The following LRMDA variants were observed in gnomAD, a reference collection of about 807,000 sequenced individuals.
The protein encoded by LRMDA is leucine-rich melanocyte differentiation-associated protein.
In LRMDA, 18 loss-of-function variants were observed where a neutral mutation model predicts 29.8. The observed-to-expected ratio is 0.60, with a 90% CI of 0.42 to 0.90. The LOEUF (loss-of-function observed/expected upper bound fraction) is 0.90. Ranked by LOEUF, LRMDA falls within the 40% of genes least tolerant of loss-of-function variation. The pLI is 0.00. For missense variants in LRMDA, 273 were observed against 273.9 expected (o/e 1.00, Z 0.02); for synonymous variants, 125 against 109.4 (o/e 1.14, Z -0.89).
At chr10:75,435,896 T>C (rs1428111782) in intron 1 of LRMDA, among the ~76,000 whole-genome samples, 1 of 152,134 alleles carries the variant, frequency 6.6e-6, no homozygotes, top group Non-Finnish European at 1.5e-5. Context: ...AACATGATGA[T>C]AGATGCACCA....
chr10:76,219,300 A>G (rs957829678), intron 5 of LRMDA, among the ~76,000 whole-genome samples: 3 of 151,132 alleles, frequency 2.0e-5, no homozygotes, highest in Middle Eastern at 3.4e-3. Flanking sequence ...AAATGCTCCA[A>G]TTAAAAGACA....
chr10:76,056,060 T>G (rs1240377417), intron 4 of LRMDA, among the ~76,000 whole-genome samples: 2 of 152,126 alleles, frequency 1.3e-5, no homozygotes, highest in Non-Finnish European at 2.9e-5. Context: ...AATTGGAGGG[T>G]GAGCAAGGCA....
intron 5 of LRMDA, among the ~76,000 whole-genome samples, chr10:76,166,828 C>T (rs988807520): frequency 2.0e-5 from 3 of 152,016 alleles, no homozygotes; most frequent in Admixed American, 6.6e-5. Context: ...CCTCCTAGGT[C>T]GAATGGTAGC....
intron 5 of LRMDA, among the ~76,000 whole-genome samples, chr10:76,245,837 A>C (rs1260758888): frequency 6.6e-6 from 1 of 152,226 alleles, no homozygotes; most frequent in African/African-American, 2.4e-5. Flanking sequence ...ATGGGGATAA[A>C]GACAACTATG....
rs951113511 is a variant in LRMDA, at chr10:75,678,473, G to C, written c.131+239979G>C. 8.5e-5 allele frequency among the ~76,000 whole-genome samples: 13 copies of C among 152,274 alleles called. No homozygotes were observed. The East Asian group carries it at 1.4e-3, about 16-fold the overall frequency. On this transcript the variant is annotated intron_variant, in intron 2 of 6. Coordinates refer to ENST00000611255, the MANE Select transcript of LRMDA (RefSeq NM_001305581.2). ...CTGAGATATTGAAGCTAATCCTGATGCTCTCATTTATAGTACTGGCGGGAT... is the reference window on the plus strand; with the variant it reads ...CTGAGATATTGAAGCTAATCCTGATCCTCTCATTTATAGTACTGGCGGGAT...
chr10:76,125,294 G>A (rs1431768279), intron 5 of LRMDA, among the ~76,000 whole-genome samples: 4 of 152,094 alleles, frequency 2.6e-5, no homozygotes, highest in South Asian at 2.1e-4. Context: ...GTCTTCTTGC[G>A]TTCGGCTGTG....
At chr10:76,036,175 C>T in intron 3 of LRMDA, 41 bp downstream of exon 3, 1 of 1,575,996 alleles carries the variant, frequency 6.3e-7, no homozygotes, top group Non-Finnish European at 8.6e-7. Context: ...CCCCACCCAG[C>T]CCCACAGTCG....
At chr10:76,034,770 C>T (rs1003938758) in intron 2 of LRMDA, among the ~76,000 whole-genome samples, 1 of 152,094 alleles carries the variant, frequency 6.6e-6, no homozygotes, top group African/African-American at 2.4e-5. Context: ...ATAGTGTGGA[C>T]GACATCTCCC....
At chr10:75,941,459 C>T (rs945307978) in intron 2 of LRMDA, among the ~76,000 whole-genome samples, 9 of 152,260 alleles carry the variant, frequency 5.9e-5, no homozygotes, top group South Asian at 2.1e-4. Flanking sequence ...ACTTTGCTTT[C>T]GGAGGCTTCT....
At chr10:75,642,799 C>G (rs560910311) in intron 2 of LRMDA, 12 of 152,314 alleles carry the variant, frequency 7.9e-5, no homozygotes, top group African/African-American at 2.9e-4. Flanking sequence ...GACCCAGGCT[C>G]TGGTTCTCAC....
intron 5 of LRMDA, among the ~76,000 whole-genome samples, chr10:76,283,593 T>C (rs559137257): frequency 3.9e-5 from 6 of 152,298 alleles, no homozygotes; most frequent in South Asian, 2.1e-4. Flanking sequence ...ATAACATCGA[T>C]TGAATGCTTA....
chr10:75,583,386 G>C (rs866444738), intron 2 of LRMDA, among the ~76,000 whole-genome samples: 8 of 152,154 alleles, frequency 5.3e-5, no homozygotes, highest in African/African-American at 1.9e-4. Flanking sequence ...TCCAATCATA[G>C]TGCAAGGCAA....
chr10:76,517,238 T>C (rs1263183056), intron 6 of LRMDA, among the ~76,000 whole-genome samples: 2 of 152,138 alleles, frequency 1.3e-5, no homozygotes, highest in African/African-American at 4.8e-5. Context: ...CATGAAAATA[T>C]ATACGATACA....
chr10:75,960,065 C>T (rs1455051695), intron 2 of LRMDA, among the ~76,000 whole-genome samples: 3 of 152,116 alleles, frequency 2.0e-5, no homozygotes, highest in Admixed American at 6.6e-5. Context: ...TCCTAAATGC[C>T]CCCCTCCTGG....
intron 5 of LRMDA, among the ~76,000 whole-genome samples, chr10:76,128,129 C>T (rs1849918639): frequency 6.6e-6 from 1 of 152,148 alleles, no homozygotes; most frequent in Non-Finnish European, 1.5e-5. Context: ...GCCTGGATTC[C>T]ATTTTTCTTT....
At chr10:76,420,642 T>G (rs1249189126) in intron 6 of LRMDA, among the ~76,000 whole-genome samples, 1 of 152,092 alleles carries the variant, frequency 6.6e-6, no homozygotes, top group Non-Finnish European at 1.5e-5. Context: ...GCTTTCTTCT[T>G]TTCTAATATA....
rs553025158 is a variant in LRMDA at position 75,770,535 on chromosome 10, T to C, written c.132-265473T>C. 2.6e-5 allele frequency among the ~76,000 whole-genome samples: 4 copies of C among 152,346 alleles called. No individual in the cohort carries two copies. In the South Asian group the frequency reaches 6.2e-4, roughly 24 times the overall value. On this transcript the variant is annotated intron_variant, in intron 2 of 6. Transcript: ENST00000611255. ...AAGCCTTCTTCCCTATAGCAGTTCT[T>C]TTCCCAGAGGCCACCATCACTAACA...
At chr10:75,468,288 G>A (rs900556976) in intron 2 of LRMDA, among the ~76,000 whole-genome samples, 11 of 152,072 alleles carry the variant, frequency 7.2e-5, no homozygotes, top group African/African-American at 2.7e-4. Flanking sequence ...TTTGGGGTGC[G>A]GGGCGGGGTT....
At chr10:76,086,234 T>C (rs1425679554) in intron 5 of LRMDA, among the ~76,000 whole-genome samples, 2 of 152,152 alleles carry the variant, frequency 1.3e-5, no homozygotes, top group Non-Finnish European at 2.9e-5. Context: ...TCCCAACTTT[T>C]GGGAAAGAGT....
Sources: gnomAD v4.1 joint callset for allele counts (sites outside exome capture counted in the v4.1 genomes callset) on GRCh38, gnomAD v4.1.1 for gene constraint, MANE v1.5 for transcripts, NCBI Gene and HGNC (gene_info 2026-07-23, HGNC 2026-07-21) for gene names.